Variants in RMDN2 observed in about 807,000 individuals in gnomAD.
RMDN2 encodes regulator of microtubule dynamics 2, also known as regulator of microtubule dynamics protein 2.
In RMDN2, 61 loss-of-function variants were observed where a neutral mutation model predicts 52.8. That is an observed-to-expected ratio of 1.16 (90% CI 0.94 to 1.43). The LOEUF is 1.43. Ranked by LOEUF, RMDN2 falls within the 40% of genes most tolerant of loss-of-function variation. RMDN2 has a pLI of 0.00. For missense variants in RMDN2, 592 were observed against 475.3 expected (o/e 1.25, Z -2.28); for synonymous variants, 180 against 153.1 (o/e 1.18, Z -1.30).
chr2:37,931,999 G>T (rs1381734306), intron 2 of RMDN2, among the ~76,000 whole-genome samples: 1 of 152,124 alleles, frequency 6.6e-6, no homozygotes, highest in Non-Finnish European at 1.5e-5. Context: ...AACAAAAGCA[G>T]ACAAACAGTT....
At chr2:37,994,904 C>T (rs1435903027) in intron 7 of RMDN2, among the ~76,000 whole-genome samples, 1 of 152,144 alleles carries the variant, frequency 6.6e-6, no homozygotes, top group East Asian at 1.9e-4. Context: ...AGAAAGCTCA[C>T]AGAAGACTAC....
chr2:37,951,672 G>GT, intron 2 of RMDN2: 1 of 1,613,194 alleles, frequency 6.2e-7, no homozygotes, highest in Non-Finnish European at 8.5e-7. Flanking sequence ...TGGCCAGAAT[G>GT]TGTTTAATCT....
At chr2:37,992,313 A>G (rs1036230704) in intron 7 of RMDN2, among the ~76,000 whole-genome samples, 3 of 152,208 alleles carry the variant, frequency 2.0e-5, no homozygotes, top group African/African-American at 7.2e-5. Flanking sequence ...GTTAAGGAAA[A>G]AGGAGTAAAG....
intron 2 of RMDN2, 44 bp downstream of exon 2, chr2:37,929,773 C>A: frequency 7.9e-7 from 1 of 1,265,786 alleles, no homozygotes; most frequent in Non-Finnish European, 1.1e-6. Flanking sequence ...TGGTTATTAT[C>A]ATTATTACTA....
chr2:38,018,045 T>G (rs986554114), downstream of RMDN2, among the ~76,000 whole-genome samples: 3 of 152,158 alleles, frequency 2.0e-5, no homozygotes, highest in African/African-American at 4.8e-5. Context: ...GACCGGCTAT[T>G]TTCACTTCTT....
At chr2:37,937,379 G>T (rs933238172) in intron 2 of RMDN2, among the ~76,000 whole-genome samples, 1 of 152,114 alleles carries the variant, frequency 6.6e-6, no homozygotes. Context: ...GGCTATACAG[G>T]TTCCTTTTTG....
Position 37,950,595 on chromosome 2 carries a change from G to T in RMDN2, c.452+20866G>T, listed in dbSNP as rs759718129. 14 of 1,612,984 alleles carry T rather than the reference G, an allele frequency of 8.7e-6. No individual in the cohort carries two copies. The East Asian group carries it at 3.1e-4, about 36-fold the overall frequency. On this transcript the variant is annotated intron_variant, in intron 2 of 10. Coordinates refer to ENST00000354545, the MANE Select transcript of RMDN2 (RefSeq NM_001170791.3). Reference sequence around the variant, plus strand: ...AAATTTACAATGGGAAAGTGCTTAAGGTAAGCCTTAGAAAAAAACTTCAAC... The same window carrying T: ...AAATTTACAATGGGAAAGTGCTTAATGTAAGCCTTAGAAAAAAACTTCAAC...
At chr2:37,956,794 T>C (rs554711094) in intron 2 of RMDN2, among the ~76,000 whole-genome samples, 19 of 152,252 alleles carry the variant, frequency 1.2e-4, no homozygotes, top group African/African-American at 4.6e-4. Context: ...GTCCTAACGC[T>C]ACCCCTCCCC....
intron 10 of RMDN2, among the ~76,000 whole-genome samples, chr2:38,008,527 A>C (rs912824950): frequency 1.3e-5 from 2 of 151,926 alleles, no homozygotes; most frequent in African/African-American, 4.8e-5. Context: ...TGGGATTGCA[A>C]CCCCTGCCTT....
rs943175300 is a variant in RMDN2, at chr2:37,925,917, A to G, written c.-17+492A>G. Among the ~76,000 whole-genome samples, 4 of 152,340 alleles carry G rather than the reference A, an allele frequency of 2.6e-5. No individual in the cohort carries two copies. The South Asian group carries it at 8.3e-4, about 32-fold the overall frequency. On this transcript the variant is annotated intron_variant, in intron 1 of 10. Transcript: ENST00000354545. ...AGGCCGGATTATCAGTGCTGCCAAC[A>G]TAGGGGAATGAGGCAAACACTTGGG...
At chr2:38,033,696 T>G (rs1168017591) in intron 10 of RMDN2, among the ~76,000 whole-genome samples, 8 of 152,266 alleles carry the variant, frequency 5.3e-5, no homozygotes, top group Admixed American at 5.2e-4. Flanking sequence ...GAATTGAATT[T>G]GCAATATTCA....
chr2:38,056,235 C>T (rs1480998963), intron 10 of RMDN2, among the ~76,000 whole-genome samples: 1 of 152,208 alleles, frequency 6.6e-6, no homozygotes, highest in Non-Finnish European at 1.5e-5. Context: ...TATTGTGTCT[C>T]TCTAGTCAAC....
At chr2:38,000,401 G>A (rs1307234183) in intron 8 of RMDN2, among the ~76,000 whole-genome samples, 1 of 152,148 alleles carries the variant, frequency 6.6e-6, no homozygotes, top group East Asian at 1.9e-4. Flanking sequence ...AGTGAAGTTT[G>A]ACAAACTTAT....
intron 2 of RMDN2, among the ~76,000 whole-genome samples, chr2:37,954,029 C>CT (rs1229959637): frequency 2.0e-5 from 3 of 151,636 alleles, no homozygotes; most frequent in Non-Finnish European, 4.4e-5. Flanking sequence ...TCCCTTGATC[C>CT]TTTTTTTTAA....
chr2:37,926,598 A>G (rs1250953069), intron 1 of RMDN2, among the ~76,000 whole-genome samples: 2 of 139,458 alleles, frequency 1.4e-5, no homozygotes, highest in East Asian at 2.0e-4. Flanking sequence ...TTTAATTACT[A>G]TATTTTTTTA....
chr2:38,060,694 G>T (rs956584303), intron 10 of RMDN2, among the ~76,000 whole-genome samples: 1 of 152,150 alleles, frequency 6.6e-6, no homozygotes, highest in Admixed American at 6.5e-5. Context: ...AGTATTGTGG[G>T]TCTGGGAGCT....
At chr2:38,009,499 A>C (rs1301265927) in intron 10 of RMDN2, among the ~76,000 whole-genome samples, 1 of 152,172 alleles carries the variant, frequency 6.6e-6, no homozygotes, top group Non-Finnish European at 1.5e-5. Flanking sequence ...CAGTTGATCA[A>C]ATTGGCTACT....
At chr2:37,992,851 G>T (rs1321584207) in intron 7 of RMDN2, among the ~76,000 whole-genome samples, 1 of 152,050 alleles carries the variant, frequency 6.6e-6, no homozygotes, top group Non-Finnish European at 1.5e-5. Flanking sequence ...TTAATAATTT[G>T]CCCAGGGTCA....
intron 2 of RMDN2, among the ~76,000 whole-genome samples, chr2:37,939,224 C>T (rs1254911107): frequency 6.6e-6 from 1 of 152,130 alleles, no homozygotes; most frequent in Admixed American, 6.5e-5. Context: ...TTTCTTAATC[C>T]TGAGTTCTAG....
Sources: allele counts gnomAD v4.1 joint callset (sites outside exome capture counted in the v4.1 genomes callset), GRCh38; gene constraint gnomAD v4.1.1; transcripts MANE v1.5; gene names NCBI Gene and HGNC (gene_info 2026-07-23, HGNC 2026-07-21).